The following PNPLA8 variants were observed in gnomAD, a reference collection of about 807,000 sequenced individuals.
PNPLA8 encodes the protein patatin like domain 8, phospholipase A2.
Under a neutral mutation model 76.9 loss-of-function variants are expected in PNPLA8, and 39 were observed. That is an observed-to-expected ratio of 0.51 (90% CI 0.39 to 0.66). The LOEUF is 0.66. Ranked by LOEUF, PNPLA8 falls within the 30% of genes least tolerant of loss-of-function variation. The pLI, the probability that PNPLA8 is intolerant of heterozygous loss-of-function variation, is 0.00. For missense variants in PNPLA8, 887 were observed against 918.0 expected (o/e 0.97, Z 0.44); for synonymous variants, 301 against 307.9 (o/e 0.98, Z 0.24).
intron 9 of PNPLA8, among the ~76,000 whole-genome samples, chr7:108,483,824 A>C (rs1330994052): frequency 6.6e-6 from 1 of 152,216 alleles, no homozygotes; most frequent in Non-Finnish European, 1.5e-5. Flanking sequence ...TACAAATTTT[A>C]ACTTAATCCT....
At chr7:108,474,899 G>C (rs1177887859) in intron 10 of PNPLA8, among the ~76,000 whole-genome samples, 1 of 152,110 alleles carries the variant, frequency 6.6e-6, no homozygotes, top group Non-Finnish European at 1.5e-5. Context: ...AATTGTGTCA[G>C]ATATTCTAGG....
At chr7:108,472,818 C>T (rs541849899) in intron 10 of PNPLA8, 143 bp from the exon 11 acceptor site, 14 of 552,994 alleles carry the variant, frequency 2.5e-5, no homozygotes, top group Non-Finnish European at 4.0e-5. Context: ...TTCAAACTGA[C>T]AGTAGAAGTA....
chr7:108,514,384 T>A, intron 3 of PNPLA8, 52 bp downstream of exon 3: 1 of 1,553,308 alleles, frequency 6.4e-7, no homozygotes, highest in Non-Finnish European at 8.7e-7. Context: ...GAAATAAAAC[T>A]TATAAATTTG....
intron 2 of PNPLA8, among the ~76,000 whole-genome samples, chr7:108,519,872 A>T (rs955146848): frequency 6.6e-6 from 1 of 152,200 alleles, no homozygotes; most frequent in Non-Finnish European, 1.5e-5. Flanking sequence ...TGAAGAATGT[A>T]ACCACACCCA....
intron 4 of PNPLA8, among the ~76,000 whole-genome samples, chr7:108,505,327 TATATATATATATATATATATA>T (rs1563967590): frequency 2.1e-3 from 20 of 9,340 alleles, no homozygotes; most frequent in South Asian, 3.1e-3. Flanking sequence ...TATATATATA[TATATATATATATATATATATA>T]TATATTTTTT....
intron 5 of PNPLA8, among the ~76,000 whole-genome samples, chr7:108,500,729 G>A (rs1385661451): frequency 6.6e-6 from 1 of 152,112 alleles, no homozygotes; most frequent in Admixed American, 6.6e-5. Flanking sequence ...TGCCAACATG[G>A]TGAAACCCCG....
At chr7:108,491,133 T>C (rs1374238236) in intron 8 of PNPLA8, among the ~76,000 whole-genome samples, 1 of 151,960 alleles carries the variant, frequency 6.6e-6, no homozygotes, top group Non-Finnish European at 1.5e-5. Flanking sequence ...GAAGAAACCC[T>C]GTCTCTACTA....
rs1045074461 is a variant in PNPLA8, at chr7:108,479,441, T to C, written c.1879-62A>G. The C allele has an allele frequency of 1.6e-5, 18 of 1,093,298 alleles. No individual in the cohort carries two copies. In the East Asian group the frequency reaches 2.2e-4, roughly 14 times the overall value. The allele number at this position is 1,093,298 out of a possible 1,614,324, so 67.7% of individuals were successfully genotyped here. Reference sequence around the variant, plus strand: ...CTGACTCACGGGGAAAGCTGAACTATGTAATAAGCTAAATAAATTATTTAA... The same window carrying C: ...CTGACTCACGGGGAAAGCTGAACTACGTAATAAGCTAAATAAATTATTTAA... On this transcript the variant is annotated intron_variant, in intron 9 of 10. Transcript: ENST00000257694.
intron 10 of PNPLA8, among the ~76,000 whole-genome samples, chr7:108,473,746 C>T (rs1859784596): frequency 6.6e-6 from 1 of 152,134 alleles, no homozygotes; most frequent in Non-Finnish European, 1.5e-5. Flanking sequence ...ATTGCTGTGT[C>T]CTATATATAT....
chr7:108,502,404 C>A, intron 5 of PNPLA8, 87 bp downstream of exon 5: 1 of 1,160,456 alleles, frequency 8.6e-7, no homozygotes, highest in East Asian at 2.6e-5. Context: ...GATTGTGCCA[C>A]TGCACTCCAG....
upstream of PNPLA8, chr7:108,527,661 A>G (rs1317428557): frequency 6.6e-6 from 1 of 152,228 alleles, no homozygotes; most frequent in Non-Finnish European, 1.5e-5. Flanking sequence ...TTCATGGAAA[A>G]TTACTAAGAA....
rs1563984986 is a variant in PNPLA8 at position 108,515,263 on chromosome 7, G to A, written c.229C>T (p.His77Tyr). 2.5e-6 allele frequency: 4 copies of A among 1,604,414 alleles called. No homozygotes were observed. The highest frequency in any genetic ancestry group is 3.4e-6 in the Non-Finnish European group (4 of 1,174,894). Residue 77 changes from histidine to tyrosine, a missense_variant, in exon 3 of 11, where the codon CAT (histidine) becomes TAT (tyrosine). Physicochemically the swap from His to Tyr is moderately conservative, Grantham distance 83. Coordinates refer to ENST00000257694, the MANE Select transcript of PNPLA8 (RefSeq NM_001256007.3). ...CSKHCYSPSN[H>Y]GLHIGILKLS... The stretch of plus-strand genomic sequence containing the variant: ...TTCAAAATCCCAATATGTAAACCAT[G>A]GTTGCTTGGAGAGTAACAGTGCTTA...
intron 9 of PNPLA8, among the ~76,000 whole-genome samples, chr7:108,480,238 C>A (rs1860299708): frequency 6.6e-6 from 1 of 152,022 alleles, no homozygotes; most frequent in Admixed American, 6.6e-5. Context: ...GCATGGTGTA[C>A]ATGCCTGTAG....
upstream of PNPLA8, chr7:108,528,143 A>G: frequency 6.6e-6 from 1 of 152,226 alleles, no homozygotes. Context: ...CCACTGCTCT[A>G]GTTCAGGCTT....
intron 4 of PNPLA8, among the ~76,000 whole-genome samples, chr7:108,506,516 C>T (rs1299723654): frequency 6.6e-6 from 1 of 152,170 alleles, no homozygotes; most frequent in African/African-American, 2.4e-5. Flanking sequence ...AATATGCTCA[C>T]TCTGTGAGCA....
In PNPLA8 at chr7:108,496,716, G is replaced by C; in HGVS notation, c.1493C>G (p.Pro498Arg). ...LAFMLGLFHM[P>R]LDECEELYRK... ...ATAAAGTTCCTCACATTCATCCAAG[G>C]GCATATGAAACAACCCCAACATGAA... The change falls in exon 7 of 11, where the codon CCC becomes CGC. Residue 498 changes from proline to arginine, a missense_variant. By Grantham distance (103) the Pro-to-Arg change is moderately radical. Transcript: ENST00000257694. 6.2e-7 allele frequency: 1 copy of C among 1,610,090 alleles called. No individual in the cohort carries two copies. Among genetic ancestry groups the C allele is most frequent in the South Asian group, 1.1e-5 (1 of 90,426 alleles).
chr7:108,502,527 C>T lies in PNPLA8; in HGVS notation c.1322G>A (p.Gly441Glu). 1 of 1,608,934 alleles carries T rather than the reference C, an allele frequency of 6.2e-7. No homozygotes were observed. Among genetic ancestry groups the T allele is most frequent in the African/African-American group, 1.3e-5 (1 of 74,288 alleles). Reference protein sequence around the residue: ...IGYVDPVKGRGIRILSIDGGG... With the variant: ...IGYVDPVKGREIRILSIDGGG... Reference sequence around the variant, plus strand: ...ACCATCAATTGAGAGAATTCGGATTCCTCTCCCTTTCACTGGATCCACATA... The same window carrying T: ...ACCATCAATTGAGAGAATTCGGATTTCTCTCCCTTTCACTGGATCCACATA... The change falls in exon 5 of 11, where the codon GGA (glycine) becomes GAA (glutamate). Residue 441 changes from glycine to glutamate, a missense_variant. Transcript: ENST00000257694.
intron 1 of PNPLA8, among the ~76,000 whole-genome samples, chr7:108,522,071 G>A (rs1484663229): frequency 1.3e-5 from 2 of 152,104 alleles, no homozygotes; most frequent in African/African-American, 2.4e-5. Flanking sequence ...CGAGGTGGGT[G>A]GATGACGAAG....
At chr7:108,507,610 C>A (rs918958918) in intron 4 of PNPLA8, among the ~76,000 whole-genome samples, 2 of 151,960 alleles carry the variant, frequency 1.3e-5, no homozygotes, top group South Asian at 4.2e-4. Flanking sequence ...TATGGCACTG[C>A]ATTCCAGCCT....
Sources: allele counts gnomAD v4.1 joint callset (sites outside exome capture counted in the v4.1 genomes callset), GRCh38; gene constraint gnomAD v4.1.1; transcripts MANE v1.5; gene names NCBI Gene and HGNC (gene_info 2026-07-23, HGNC 2026-07-21).